Variants in CNOT8 observed in about 807,000 individuals in gnomAD.
CNOT8 encodes the protein CCR4-NOT transcription complex subunit 8.
In CNOT8, 18 loss-of-function variants were observed where a neutral mutation model predicts 34.6. The observed-to-expected ratio is 0.52, with a 90% CI of 0.36 to 0.77. The LOEUF is 0.77. Among genes scored for constraint, CNOT8 ranks in the 30% least tolerant of loss-of-function variants. The pLI is 0.00. For synonymous variants in CNOT8, 101 were observed against 118.8 expected, an observed-to-expected ratio of 0.85 and a Z score of 0.98; for missense variants, 189 against 347.9, an observed-to-expected ratio of 0.54 and a Z score of 3.63.
At chr5:154,871,981 AGT>A (rs1762522455) in intron 5 of CNOT8, 107 bp downstream of exon 5, 2 of 889,524 alleles carry the variant, frequency 2.2e-6, no homozygotes, top group African/African-American at 3.4e-5. Context: ...ACTAGATGCT[AGT>A]GTGGTGGTAG....
Position 154,875,519 on chromosome 5 carries a change from A to G in CNOT8, c.*80A>G, listed in dbSNP as rs1015646531. On this transcript the variant is annotated 3_prime_UTR_variant, in exon 7 of 7. Transcript: ENST00000285896. Reference sequence around the variant, plus strand: ...ACTGTGTACTTATCTTCCCCAAGAGAAAATGCTTCTTTTGAGCACACTGTA... The same window carrying G: ...ACTGTGTACTTATCTTCCCCAAGAGGAAATGCTTCTTTTGAGCACACTGTA... The G allele has an allele frequency of 1.1e-5, 16 of 1,510,628 alleles. No individual in the cohort carries two copies. The highest frequency in any genetic ancestry group is 1.4e-5 in the Non-Finnish European group (16 of 1,117,888). The allele number at this position is 1,510,628 out of a possible 1,614,324, so 93.6% of individuals were successfully genotyped here.
chr5:154,871,620 G>T, intron 4 of CNOT8, 110 bp from the exon 5 acceptor site: 11 of 696,786 alleles, frequency 1.6e-5, no homozygotes, highest in East Asian at 6.9e-5. Context: ...CAGAAAAAGT[G>T]AAAGTTCCTA....
intron 1 of CNOT8, among the ~76,000 whole-genome samples, chr5:154,860,955 A>G (rs941391309): frequency 6.6e-6 from 1 of 152,150 alleles, no homozygotes; most frequent in African/African-American, 2.4e-5. Context: ...TTTTACGGAA[A>G]CATCTCTCAA....
chr5:154,863,639 G>A (rs1282604573), intron 2 of CNOT8, among the ~76,000 whole-genome samples: 1 of 152,148 alleles, frequency 6.6e-6, no homozygotes, highest in Non-Finnish European at 1.5e-5. Flanking sequence ...TGTTTAATTT[G>A]AGATTTTGAA....
chr5:154,871,920 A>G (rs770341873), intron 5 of CNOT8, 46 bp downstream of exon 5: 1 of 1,555,578 alleles, frequency 6.4e-7, no homozygotes, highest in Non-Finnish European at 8.8e-7. Flanking sequence ...GAAGGACAGA[A>G]AAAAAGCTGA....
rs1248661771 is a variant in CNOT8, at chr5:154,863,348, A to T, written c.70A>T (p.Met24Leu). The stretch of plus-strand genomic sequence containing the variant: ...GTGGGCCAGTAATCTAGAAGAAGAG[A>T]TGAGGAAGATCCGAGAAATCGTGCT... ...EVWASNLEEEMRKIREIVLSY... is the reference protein window; with the variant it reads ...EVWASNLEEELRKIREIVLSY... Residue 24 changes from methionine (M) to leucine (L), a missense_variant, in exon 2 of 7, where the codon ATG becomes TTG. Met to Leu is a conservative substitution (Grantham distance 15). This residue lies in a region of CNOT8 where 160 missense variants were observed against 321.9 expected (regional missense o/e 0.50). Transcript: ENST00000285896. The T allele has an allele frequency of 1.2e-6, 2 of 1,613,934 alleles. No homozygotes were observed. The highest frequency in any genetic ancestry group is 1.7e-6 in the Non-Finnish European group (2 of 1,179,958).
intron 2 of CNOT8, among the ~76,000 whole-genome samples, chr5:154,864,210 C>T (rs1475645783): frequency 6.6e-6 from 1 of 152,110 alleles, no homozygotes; most frequent in Non-Finnish European, 1.5e-5. Flanking sequence ...CCTGTAATCC[C>T]AGCACTTTGG....
Position 154,875,563 on chromosome 5 carries a change from C to A in CNOT8, c.*124C>A. ...CACTGTACCTACCATCTGCATTGAG[C>A]AGAAAGACTTTTGTTTTACTGAAGA... On this transcript the variant is annotated 3_prime_UTR_variant, in exon 7 of 7. Transcript: ENST00000285896. 9.6e-7 allele frequency: 1 copy of A among 1,036,766 alleles called. No homozygotes were observed. The highest frequency in any genetic ancestry group is 1.4e-6 in the Non-Finnish European group (1 of 740,284). The allele number at this position is 1,036,766 out of a possible 1,614,324, so 64.2% of individuals were successfully genotyped here. A position where few individuals can be genotyped will look rare whatever the true frequency, so the allele number is the denominator to read the frequency against.
At chr5:154,864,598 CA>C (rs1164962576) in intron 2 of CNOT8, among the ~76,000 whole-genome samples, 4 of 151,820 alleles carry the variant, frequency 2.6e-5, no homozygotes, top group Non-Finnish European at 5.9e-5. Context: ...TATTTTTATT[CA>C]TATATTGTTC....
intron 3 of CNOT8, among the ~76,000 whole-genome samples, chr5:154,867,380 T>G (rs538735683): frequency 1.3e-5 from 2 of 152,306 alleles, no homozygotes; most frequent in South Asian, 4.1e-4. Context: ...ATTTTTTCAG[T>G]TTTTTTCATG....
chr5:154,870,384 T>G, intron 3 of CNOT8: 1 of 238,434 alleles, frequency 4.2e-6, no homozygotes. Context: ...GTGCCTGGTG[T>G]TATTGGTTTT....
In CNOT8 at chr5:154,871,284, C is replaced by G. The variant is rs190597084; in HGVS notation, c.474-446C>G. Among the ~76,000 whole-genome samples, 23 of 151,996 alleles carry G rather than the reference C, an allele frequency of 1.5e-4. 1 individual carries two copies. Among genetic ancestry groups the G allele is most frequent in the Admixed American group, 5.9e-4 (9 of 15,238 alleles). ...TAGAAAGTTCAGATTATAGGCCGGG[C>G]GCAGTGGCTCACATCTATAATCCCA... On this transcript the variant is annotated intron_variant, in intron 4 of 6. Coordinates refer to ENST00000285896, the MANE Select transcript of CNOT8 (RefSeq NM_001301073.2).
chr5:154,871,624 G>A, intron 4 of CNOT8, 106 bp from the exon 5 acceptor site: 2 of 724,862 alleles, frequency 2.8e-6, no homozygotes, highest in Non-Finnish European at 2.2e-6. Context: ...AAAAGTGAAA[G>A]TTCCTAACAT....
intron 4 of CNOT8, 39 bp downstream of exon 4, chr5:154,870,861 G>C (rs773637490): frequency 1.3e-6 from 2 of 1,543,194 alleles, no homozygotes; most frequent in Non-Finnish European, 1.8e-6. Context: ...CTCACTTTGG[G>C]CTACACTGAA....
At chr5:154,865,076 G>A (rs1561680910) in intron 2 of CNOT8, 116 bp from the exon 3 acceptor site, 1 of 904,996 alleles carries the variant, frequency 1.1e-6, no homozygotes, top group East Asian at 2.5e-5. Flanking sequence ...TTGTGCCCAA[G>A]TTTGGGGCTT....
chr5:154,872,280 C>T (rs1762559844), intron 5 of CNOT8, among the ~76,000 whole-genome samples: 1 of 152,184 alleles, frequency 6.6e-6, no homozygotes, highest in Non-Finnish European at 1.5e-5. Flanking sequence ...TTACTATTTC[C>T]TCAGCCTTGC....
rs1339247630 is a variant in CNOT8, at chr5:154,868,814, C to T, written c.312-1847C>T. Among the ~76,000 whole-genome samples, 6 of 152,222 alleles carry T rather than the reference C, an allele frequency of 3.9e-5. No individual in the cohort carries two copies. In the East Asian group the frequency reaches 9.6e-4, roughly 24 times the overall value. On this transcript the variant is annotated intron_variant, in intron 3 of 6. Transcript: ENST00000285896. ...TTCCTACGCCACTTGAGTGCTGCAG[C>T]TACTGGGATTCCAGGGCTGTGGCTT...
intron 3 of CNOT8, among the ~76,000 whole-genome samples, chr5:154,869,026 C>G (rs923741948): frequency 1.3e-5 from 2 of 152,194 alleles, no homozygotes; most frequent in Admixed American, 1.3e-4. Flanking sequence ...GTGGCGGTGT[C>G]TGAGTCTGAG....
chr5:154,859,288 GGGA>G (rs1761097325), intron 1 of CNOT8: 3 of 152,216 alleles, frequency 2.0e-5, no homozygotes, highest in African/African-American at 7.2e-5. Flanking sequence ...CGGAGTAGTG[GGGA>G]GGAGGACCTG....
Sources: allele counts gnomAD v4.1 joint callset (sites outside exome capture counted in the v4.1 genomes callset), GRCh38; gene constraint gnomAD v4.1.1; regional missense constraint gnomAD v4.1.1; transcripts MANE v1.5; gene names NCBI Gene and HGNC (gene_info 2026-07-23, HGNC 2026-07-21).